Variants in FBN2 observed in about 807,000 individuals in gnomAD.
The protein encoded by FBN2 is fibrillin 2.
A neutral mutation model predicts 355.6 loss-of-function variants in FBN2; 105 were observed. The observed-to-expected ratio is 0.30, with a 90% CI of 0.25 to 0.35. The LOEUF is 0.35. Ranked by LOEUF, FBN2 falls within the 10% of genes least tolerant of loss-of-function variation. The probability of loss-of-function intolerance (pLI) is 1.00; values close to 1 mark genes in which losing one functional copy is unlikely to be tolerated. For missense variants in FBN2, 3,280 were observed against 3,758.7 expected (o/e 0.87, Z 3.33); for synonymous variants, 1,350 against 1,301.2 (o/e 1.04, Z -0.81).
intron 4 of FBN2, among the ~76,000 whole-genome samples, chr5:128,523,120 C>T (rs770569533): frequency 6.6e-6 from 1 of 152,152 alleles, no homozygotes; most frequent in Non-Finnish European, 1.5e-5. Flanking sequence ...GACAGACTCC[C>T]TTACAACTCA....
At position 128,274,698 on chromosome 5, in the gene FBN2, A is replaced by G. The variant is rs938241848; in HGVS notation, c.7595-15T>C. 3.4e-6 allele frequency: 5 copies of G among 1,474,834 alleles called. No homozygotes were observed. Among genetic ancestry groups the G allele is most frequent in the Non-Finnish European group, 4.7e-6 (5 of 1,053,050 alleles). 91.4% of individuals were successfully genotyped at this position (1,474,834 alleles called of 1,614,324 possible). ...TTCATCAAGGTCTGAAATTAGAGAG[A>G]AGCCAGTGAAAATCACAGTAGACTA... On this transcript the variant is annotated splice_polypyrimidine_tract_variant and intron_variant, in intron 59 of 64. Coordinates refer to ENST00000262464, the MANE Select transcript of FBN2 (RefSeq NM_001999.4).
intron 48 of FBN2, among the ~76,000 whole-genome samples, chr5:128,296,609 T>C (rs1355659839): frequency 2.0e-5 from 3 of 152,236 alleles, no homozygotes; most frequent in African/African-American, 7.2e-5. Flanking sequence ...TTCTAGATTT[T>C]CTAGTTTATT....
chr5:128,479,244 T>C (rs1004965), intron 5 of FBN2, among the ~76,000 whole-genome samples: 59,616 of 151,972 alleles, frequency 0.39, 13,560 homozygotes, highest in African/African-American at 0.64. Context: ...TTTTGCATTG[T>C]TCTTCTTTAT....
intron 15 of FBN2, among the ~76,000 whole-genome samples, chr5:128,371,584 A>G (rs1751946432): frequency 6.9e-6 from 1 of 145,710 alleles, no homozygotes; most frequent in Non-Finnish European, 1.5e-5. Context: ...GCTGGAGTGC[A>G]ATGGCGTGGC....
intron 5 of FBN2, among the ~76,000 whole-genome samples, chr5:128,513,897 G>C (rs1052737178): frequency 1.3e-5 from 2 of 151,816 alleles, no homozygotes; most frequent in African/African-American, 4.8e-5. Context: ...TATCAACTGA[G>C]CTAGTGCCAA....
At chr5:128,354,442 T>C (rs1751449035) in intron 20 of FBN2, among the ~76,000 whole-genome samples, 1 of 152,302 alleles carries the variant, frequency 6.6e-6, no homozygotes, top group Non-Finnish European at 1.5e-5. Flanking sequence ...GCCTAGGATT[T>C]CCTAGACACA....
chr5:128,328,598 T>C lies in FBN2; in HGVS notation c.4471+98A>G, dbSNP rs757336809. 4.8e-6 allele frequency: 6 copies of C among 1,254,426 alleles called. No individual in the cohort carries two copies. The South Asian group carries it at 7.4e-5, about 16-fold the overall frequency. The allele number at this position is 1,254,426 out of a possible 1,614,324, so 77.7% of individuals were successfully genotyped here. ...CTTTTATAGTGCAGCATGTGCTATGTATTCTGCTTCCAGGTGGAGCTTGTT... is the reference window on the plus strand; with the variant it reads ...CTTTTATAGTGCAGCATGTGCTATGCATTCTGCTTCCAGGTGGAGCTTGTT... On this transcript the variant is annotated intron_variant, in intron 34 of 64. Coordinates refer to ENST00000262464, the MANE Select transcript of FBN2 (RefSeq NM_001999.4).
At chr5:128,525,398 T>C (rs1756536482) in intron 4 of FBN2, among the ~76,000 whole-genome samples, 1 of 152,186 alleles carries the variant, frequency 6.6e-6, no homozygotes, top group Non-Finnish European at 1.5e-5. Context: ...GACTTCTGTC[T>C]TTCTTTTCTG....
intron 64 of FBN2, 72 bp downstream of exon 64, chr5:128,261,664 A>G: frequency 7.1e-7 from 1 of 1,415,156 alleles, no homozygotes; most frequent in African/African-American, 1.4e-5. Context: ...GCTGAAAACG[A>G]CGTGAACTGC....
At chr5:128,417,862 T>G (rs1380217273) in intron 7 of FBN2, among the ~76,000 whole-genome samples, 2 of 152,110 alleles carry the variant, frequency 1.3e-5, no homozygotes, top group African/African-American at 4.8e-5. Context: ...AGGACAGTAC[T>G]TTCCTTTTCA....
intron 6 of FBN2, among the ~76,000 whole-genome samples, chr5:128,455,990 CAAAAAAAAAAAAAAAAAAAAA>C (rs70997371): frequency 4.0e-5 from 1 of 25,272 alleles, no homozygotes; most frequent in Non-Finnish European, 7.9e-5. Flanking sequence ...GGGTTAGCAA[CAAAAAAAAAAAAAAAAAAAAA>C]AAAAAAAAAA....
chr5:128,357,602 C>G (rs1034733762), intron 19 of FBN2, among the ~76,000 whole-genome samples: 1 of 152,150 alleles, frequency 6.6e-6, no homozygotes, highest in African/African-American at 2.4e-5. Flanking sequence ...CTCAGTAGGA[C>G]CACAGTGATC....
At chr5:128,445,578 A>G (rs975070945) in intron 7 of FBN2, among the ~76,000 whole-genome samples, 5 of 152,204 alleles carry the variant, frequency 3.3e-5, no homozygotes, top group African/African-American at 1.2e-4. Context: ...ACTTTTGGAA[A>G]GAGAAAGAGC....
intron 25 of FBN2, among the ~76,000 whole-genome samples, chr5:128,340,130 A>T (rs26378): frequency 1.3e-5 from 2 of 152,094 alleles, no homozygotes; most frequent in African/African-American, 2.4e-5. Flanking sequence ...AATATGTTTA[A>T]GAAAACATGA....
intron 8 of FBN2, among the ~76,000 whole-genome samples, chr5:128,405,811 T>C (rs1419581896): frequency 1.3e-5 from 2 of 152,162 alleles, no homozygotes; most frequent in African/African-American, 4.8e-5. Context: ...CCAAATAAAA[T>C]ACATGTGCTG....
chr5:128,438,512 AG>A (rs1346565461), intron 7 of FBN2, among the ~76,000 whole-genome samples: 1 of 152,246 alleles, frequency 6.6e-6, no homozygotes, highest in Non-Finnish European at 1.5e-5. Flanking sequence ...GATTTATAAA[AG>A]TAATAGTTTT....
chr5:128,291,520 A>G lies in FBN2; in HGVS notation c.6292+9T>C, dbSNP rs1036758017. 6.2e-7 allele frequency: 1 copy of G among 1,613,776 alleles called. No homozygotes were observed. Among genetic ancestry groups the G allele is most frequent in the African/African-American group, 1.3e-5 (1 of 74,918 alleles). ...TGAACTGTGACAGTGAAGTCATGCC[A>G]AATCTTACCAAAGCATCTCCGTCCA... On this transcript the variant is annotated intron_variant, in intron 49 of 64. Transcript: ENST00000262464.
chr5:128,269,670 C>T (rs1429785825), intron 62 of FBN2, among the ~76,000 whole-genome samples: 5 of 152,038 alleles, frequency 3.3e-5, no homozygotes, highest in South Asian at 2.1e-4. Flanking sequence ...ATACAGCAAA[C>T]GAGGTATGAA....
At chr5:128,378,613 TTA>T (rs1159112824) in intron 12 of FBN2, among the ~76,000 whole-genome samples, 156 bp downstream of exon 12, 2 of 152,156 alleles carry the variant, frequency 1.3e-5, no homozygotes, top group Non-Finnish European at 2.9e-5. Flanking sequence ...CAAACATTGT[TTA>T]TGTTTAAAGG....
Sources: allele counts gnomAD v4.1 joint callset (sites outside exome capture counted in the v4.1 genomes callset), GRCh38; gene constraint gnomAD v4.1.1; transcripts MANE v1.5; gene names NCBI Gene and HGNC (gene_info 2026-07-23, HGNC 2026-07-21).